HSD17B12: variants seen among roughly 807,000 people sequenced by gnomAD.
The protein encoded by HSD17B12 is hydroxysteroid 17-beta dehydrogenase 12.
In HSD17B12, 32 loss-of-function variants were observed where a neutral mutation model predicts 39.3. That is an observed-to-expected ratio of 0.81 (90% confidence interval 0.61 to 1.09). The LOEUF is 1.09. Ranked by LOEUF, HSD17B12 falls within the 50% of genes least tolerant of loss-of-function variation. The probability of loss-of-function intolerance (pLI) is 0.00; values close to 1 mark genes in which losing one functional copy is unlikely to be tolerated. For missense variants in HSD17B12, 342 were observed against 382.9 expected, an observed-to-expected ratio of 0.89 and a Z score of 0.89; for synonymous variants, 150 against 146.7, an observed-to-expected ratio of 1.02 and a Z score of -0.16.
At chr11:43,807,792 G>A (rs1011611079) in intron 4 of HSD17B12, among the ~76,000 whole-genome samples, 8 of 152,188 alleles carry the variant, frequency 5.3e-5, no homozygotes, top group Non-Finnish European at 1.2e-4. Context: ...AATTTCTGAT[G>A]AGGGTCCTCA....
intron 3 of HSD17B12, among the ~76,000 whole-genome samples, chr11:43,791,267 C>T (rs112717507): frequency 0.01 from 1,547 of 152,110 alleles, 19 homozygotes; most frequent in African/African-American, 0.035. Context: ...AGCAGTGGCT[C>T]ATGCCTGTAA....
intron 3 of HSD17B12, among the ~76,000 whole-genome samples, chr11:43,782,542 G>A (rs1432686395): frequency 6.6e-6 from 1 of 152,048 alleles, no homozygotes; most frequent in Non-Finnish European, 1.5e-5. Context: ...AGCTGGGTGT[G>A]GCACGAGCCT....
chr11:43,746,016 A>G (rs1156373925), intron 1 of HSD17B12, among the ~76,000 whole-genome samples: 1 of 152,196 alleles, frequency 6.6e-6, no homozygotes, highest in Non-Finnish European at 1.5e-5. Flanking sequence ...ACTCTTAAAA[A>G]TAAACAAACA....
chr11:43,791,015 A>T (rs118077273), intron 3 of HSD17B12, among the ~76,000 whole-genome samples: 2,601 of 146,458 alleles, frequency 0.018, 33 homozygotes, highest in Non-Finnish European at 0.028. Context: ...AAAACAAAAT[A>T]AAAAAAAACT....
At chr11:43,620,355 GA>G in the HSD17B12 span, among the ~76,000 whole-genome samples, 1 of 152,130 alleles carries the variant, frequency 6.6e-6, no homozygotes, top group African/African-American at 2.4e-5. Context: ...TACATAGTGA[GA>G]AAATTAGAGA....
the HSD17B12 span, among the ~76,000 whole-genome samples, chr11:43,654,974 G>A: frequency 4.6e-5 from 7 of 152,152 alleles, no homozygotes; most frequent in African/African-American, 1.7e-4. Flanking sequence ...GGATGGCATT[G>A]AATCTATAAA....
the HSD17B12 span, among the ~76,000 whole-genome samples, chr11:43,611,789 A>G: frequency 0.23 from 35,132 of 152,094 alleles, 4,374 homozygotes; most frequent in African/African-American, 0.29. Context: ...ACTACCCATC[A>G]TACATTATCT....
At chr11:43,800,515 A>G (rs1950956307) in intron 4 of HSD17B12, among the ~76,000 whole-genome samples, 1 of 152,152 alleles carries the variant, frequency 6.6e-6, no homozygotes. Context: ...GGATTGTACA[A>G]GGCACTCTTT....
chr11:43,701,516 G>A (rs1949964358), intron 1 of HSD17B12, among the ~76,000 whole-genome samples: 1 of 152,110 alleles, frequency 6.6e-6, no homozygotes, highest in South Asian at 2.1e-4. Flanking sequence ...TTTGTATATG[G>A]CAAGAGATAG....
At chr11:43,570,074 C>T in the HSD17B12 span, 1 of 152,634 alleles carries the variant, frequency 6.6e-6, no homozygotes, top group Admixed American at 6.5e-5. Context: ...CAGTCCATCA[C>T]TCAGCCTCCT....
intron 1 of HSD17B12, among the ~76,000 whole-genome samples, chr11:43,716,001 C>T (rs895033543): frequency 6.6e-6 from 1 of 152,062 alleles, no homozygotes; most frequent in Non-Finnish European, 1.5e-5. Context: ...GGTACTATAA[C>T]ATGCAAGCAC....
chr11:43,770,149 G>A (rs1438910882), intron 3 of HSD17B12, among the ~76,000 whole-genome samples: 1 of 152,108 alleles, frequency 6.6e-6, no homozygotes, highest in Non-Finnish European at 1.5e-5. Flanking sequence ...CATCTGATAT[G>A]TCTCAAACAG....
At chr11:43,812,433 T>C (rs1375548005) in intron 4 of HSD17B12, among the ~76,000 whole-genome samples, 2 of 152,362 alleles carry the variant, frequency 1.3e-5, no homozygotes, top group East Asian at 3.9e-4. Context: ...TAAGATGATA[T>C]CTCATTGTCA....
intron 8 of HSD17B12, 105 bp from the exon 9 acceptor site, chr11:43,839,894 A>C (rs1951408219): frequency 1.1e-6 from 1 of 935,012 alleles, no homozygotes; most frequent in Non-Finnish European, 1.7e-6. Context: ...AATGATGAGA[A>C]ATTATAGCAT....
intron 6 of HSD17B12, among the ~76,000 whole-genome samples, chr11:43,826,134 G>C (rs1005975881): frequency 6.1e-5 from 9 of 147,240 alleles, no homozygotes; most frequent in African/African-American, 1.3e-4. Context: ...CAAGGCTGGA[G>C]TGCAGTGGCG....
chr11:43,572,065 T>C, the HSD17B12 span, among the ~76,000 whole-genome samples: 2 of 152,134 alleles, frequency 1.3e-5, no homozygotes, highest in Non-Finnish European at 2.9e-5. Context: ...TGTTCTTACT[T>C]TAGGAAAGGT....
At chr11:43,726,124 G>A (rs1315938933) in intron 1 of HSD17B12, among the ~76,000 whole-genome samples, 3 of 152,080 alleles carry the variant, frequency 2.0e-5, no homozygotes, top group Admixed American at 6.5e-5. Context: ...TGACACTTAC[G>A]TAATGCTAAT....
At chr11:43,695,442 G>A (rs1949902190) in intron 1 of HSD17B12, among the ~76,000 whole-genome samples, 1 of 152,132 alleles carries the variant, frequency 6.6e-6, no homozygotes, top group African/African-American at 2.4e-5. Context: ...GCTGGGCGTG[G>A]TGGTGCACGC....
intron 1 of HSD17B12, among the ~76,000 whole-genome samples, chr11:43,702,929 T>A (rs1949978867): frequency 6.6e-6 from 1 of 152,238 alleles, no homozygotes; most frequent in Non-Finnish European, 1.5e-5. Flanking sequence ...GACACCTCTG[T>A]TCTAATGTAT....
Sources: gnomAD v4.1 joint callset for allele counts (sites outside exome capture counted in the v4.1 genomes callset) on GRCh38, gnomAD v4.1.1 for gene constraint, MANE v1.5 for transcripts, NCBI Gene and HGNC (gene_info 2026-07-23, HGNC 2026-07-21) for gene names.